ROBO1: variants seen among roughly 807,000 people sequenced by gnomAD.
ROBO1 encodes roundabout guidance receptor 1.
A neutral mutation model predicts 195.9 loss-of-function variants in ROBO1; 149 were observed. The ratio of observed to expected loss-of-function variants is 0.76; its 90% CI spans 0.67 to 0.87. ROBO1 has a LOEUF of 0.87. Ranked by LOEUF, ROBO1 falls within the 40% of genes least tolerant of loss-of-function variation. ROBO1 has a pLI of 0.00. For missense variants in ROBO1, 1,933 were observed against 2,068.3 expected (o/e 0.93, Z 1.27); for synonymous variants, 816 against 733.2 (o/e 1.11, Z -1.82).
intron 1 of ROBO1, among the ~76,000 whole-genome samples, chr3:79,634,818 G>T (rs1945448771): frequency 6.6e-6 from 1 of 152,156 alleles, no homozygotes; most frequent in African/African-American, 2.4e-5. Flanking sequence ...TTCAATGTTT[G>T]TAATGCAGCT....
At chr3:79,409,957 T>C (rs2037700433) in intron 2 of ROBO1, among the ~76,000 whole-genome samples, 1 of 152,148 alleles carries the variant, frequency 6.6e-6, no homozygotes. Flanking sequence ...CACATATATA[T>C]TCTCTTTGAG....
chr3:79,487,208 T>C lies in ROBO1; in HGVS notation c.88+102616A>G, dbSNP rs1005663743. ...AGTTAAAAAACTTCTGTTTGATTTC[T>C]CTGGTTTAATTTATTTATTTTTCGT... On this transcript the variant is annotated intron_variant, in intron 2 of 30. Transcript: ENST00000464233. 3.1e-3 allele frequency among the ~76,000 whole-genome samples: 6 copies of C among 1,944 alleles called. 1 individual carries two copies. The highest frequency in any genetic ancestry group is 0.021 in the Admixed American group (6 of 286). 1.3% of individuals were successfully genotyped at this position (1,944 alleles called of 152,430 possible). A position where few individuals can be genotyped will look rare whatever the true frequency, so the allele number is the denominator to read the frequency against.
At chr3:78,667,632 T>C (rs1219057644) in intron 14 of ROBO1, among the ~76,000 whole-genome samples, 1 of 152,144 alleles carries the variant, frequency 6.6e-6, no homozygotes, top group African/African-American at 2.4e-5. Context: ...TATTTTTGTC[T>C]TGATATATTT....
chr3:79,329,234 C>G (rs1559821678), intron 2 of ROBO1, among the ~76,000 whole-genome samples: 1 of 152,138 alleles, frequency 6.6e-6, no homozygotes, highest in Non-Finnish European at 1.5e-5. Context: ...GAAAAAAATT[C>G]AGAGAGTTAG....
intron 2 of ROBO1, among the ~76,000 whole-genome samples, chr3:79,128,295 C>T (rs1328373516): frequency 6.6e-6 from 1 of 152,128 alleles, no homozygotes; most frequent in African/African-American, 2.4e-5. Flanking sequence ...TAGAAACACA[C>T]TGTCACTAGA....
chr3:78,600,348 C>T, intron 29 of ROBO1, 39 bp from the exon 30 acceptor site: 1 of 1,273,850 alleles, frequency 7.9e-7, no homozygotes, highest in Non-Finnish European at 1.1e-6. Context: ...TGAGTACCAT[C>T]ATACACTTTC....
At chr3:79,336,746 C>G (rs994979455) in intron 2 of ROBO1, among the ~76,000 whole-genome samples, 1 of 152,172 alleles carries the variant, frequency 6.6e-6, no homozygotes, top group East Asian at 1.9e-4. Flanking sequence ...GATACATTGA[C>G]AGCTTGCACT....
At chr3:79,388,970 A>G (rs554067974) in intron 2 of ROBO1, among the ~76,000 whole-genome samples, 41 of 152,220 alleles carry the variant, frequency 2.7e-4, no homozygotes, top group Non-Finnish European at 4.9e-4. Flanking sequence ...AAAGAGAGGA[A>G]AAAAGTAAAC....
chr3:79,700,347 G>GTGTGTT (rs1448376764), intron 1 of ROBO1, among the ~76,000 whole-genome samples: 1 of 150,570 alleles, frequency 6.6e-6, no homozygotes, highest in African/African-American at 2.4e-5. Context: ...GTGTGTGTGT[G>GTGTGTT]TCTTTCTGGG....
intron 2 of ROBO1, among the ~76,000 whole-genome samples, chr3:79,325,472 G>C (rs1056229917): frequency 6.6e-6 from 1 of 152,110 alleles, no homozygotes; most frequent in African/African-American, 2.4e-5. Context: ...TCATTGTCAA[G>C]ATTATTTTCT....
chr3:79,600,585 A>T (rs1944311081), intron 1 of ROBO1, among the ~76,000 whole-genome samples: 1 of 151,950 alleles, frequency 6.6e-6, no homozygotes, highest in African/African-American at 2.4e-5. Flanking sequence ...CTTTACTTTT[A>T]GAGGGGGTTG....
intron 4 of ROBO1, among the ~76,000 whole-genome samples, chr3:78,830,019 G>A (rs192941394): frequency 5.9e-5 from 9 of 152,248 alleles, no homozygotes; most frequent in Non-Finnish European, 1.5e-5. Flanking sequence ...TAGGTGTGGT[G>A]TGGCTGTAAA....
intron 4 of ROBO1, among the ~76,000 whole-genome samples, chr3:78,768,536 T>A (rs2083285586): frequency 6.6e-6 from 1 of 152,252 alleles, no homozygotes; most frequent in African/African-American, 2.4e-5. Context: ...TGGTTTGATG[T>A]TTTTCTATTT....
chr3:79,460,113 A>G (rs967263090), intron 2 of ROBO1, among the ~76,000 whole-genome samples: 1 of 152,204 alleles, frequency 6.6e-6, no homozygotes, highest in African/African-American at 2.4e-5. Flanking sequence ...TTCTTACCTC[A>G]TAAAACAATA....
At chr3:79,728,485 T>G (rs1292248743) in intron 1 of ROBO1, among the ~76,000 whole-genome samples, 2 of 152,178 alleles carry the variant, frequency 1.3e-5, no homozygotes, top group African/African-American at 4.8e-5. Flanking sequence ...AATGTTAACC[T>G]TGACTGACAA....
chr3:79,517,287 G>A (rs929830551), intron 2 of ROBO1, among the ~76,000 whole-genome samples: 1 of 152,134 alleles, frequency 6.6e-6, no homozygotes, highest in African/African-American at 2.4e-5. Context: ...TGAATTTCCA[G>A]CGAGTGCTTC....
chr3:78,894,835 A>C (rs767557526), intron 4 of ROBO1, among the ~76,000 whole-genome samples: 3 of 152,218 alleles, frequency 2.0e-5, no homozygotes, highest in Non-Finnish European at 4.4e-5. Flanking sequence ...AGGCAGCCTA[A>C]GATTCTGTTA....
intron 4 of ROBO1, among the ~76,000 whole-genome samples, chr3:78,925,429 T>A (rs760376974): frequency 4.6e-5 from 7 of 152,156 alleles, no homozygotes; most frequent in Non-Finnish European, 8.8e-5. Flanking sequence ...TAGAAAAAAA[T>A]TATTTGTTTC....
intron 2 of ROBO1, among the ~76,000 whole-genome samples, chr3:79,176,060 T>C (rs1296435580): frequency 6.6e-6 from 1 of 152,146 alleles, no homozygotes; most frequent in African/African-American, 2.4e-5. Flanking sequence ...GGTTTATATC[T>C]AAAGAACAGT....
Sources: gnomAD v4.1 joint callset for allele counts (sites outside exome capture counted in the v4.1 genomes callset) on GRCh38, gnomAD v4.1.1 for gene constraint, MANE v1.5 for transcripts, NCBI Gene and HGNC (gene_info 2026-07-23, HGNC 2026-07-21) for gene names.